SFTPA2: variants seen among roughly 807,000 people sequenced by gnomAD.
The protein encoded by SFTPA2 is pulmonary surfactant-associated protein A2.
In SFTPA2, 21 loss-of-function variants were observed where a neutral mutation model predicts 20.3. The ratio of observed to expected loss-of-function variants is 1.03; its 90% CI spans 0.73 to 1.49. The LOEUF (loss-of-function observed/expected upper bound fraction) is 1.49. Among genes scored for constraint, SFTPA2 ranks in the 40% most tolerant of loss-of-function variants. The pLI is 0.00. For synonymous variants in SFTPA2, 116 were observed against 118.7 expected (o/e 0.98, Z 0.15); for missense variants, 302 against 314.8 (o/e 0.96, Z 0.31).
chr10:79,557,523 A>G lies in SFTPA2; in HGVS notation c.433T>C (p.Ser145Pro), dbSNP rs1423016025. 6.2e-7 allele frequency: 1 copy of G among 1,613,300 alleles called. No homozygotes were observed. The highest frequency in any genetic ancestry group is 2.2e-5 in the East Asian group (1 of 44,860). Residue 145 changes from serine to proline, a missense_variant, in exon 6 of 6, where the codon TCC becomes CCC. Physicochemically the swap from Ser to Pro is moderately conservative, Grantham distance 74 (BLOSUM62 -1). Transcript: ENST00000372325. ...GEKVFSSNGQ[S>P]ITFDAIQEAC... ...TCCTGAATGGCATCAAAAGTGATGG[A>G]CTGCCCATTGCTGGAGAAGACCTTC...
chr10:79,559,146 C>T (rs1859018894), intron 3 of SFTPA2, 141 bp from the exon 4 acceptor site: 1 of 1,570,336 alleles, frequency 6.4e-7, no homozygotes, highest in South Asian at 1.1e-5. Flanking sequence ...CCAGGATGCG[C>T]CATCATAAGG....
intron 2 of SFTPA2, 182 bp downstream of exon 2, chr10:79,559,787 C>T: frequency 6.9e-7 from 1 of 1,449,274 alleles, no homozygotes; most frequent in Non-Finnish European, 9.2e-7. Flanking sequence ...GGCTCCAGTG[C>T]AGTCTCCTTT....
At chr10:79,560,152 G>A in intron 1 of SFTPA2, 154 bp from the exon 2 acceptor site, 1 of 379,222 alleles carries the variant, frequency 2.6e-6, no homozygotes, top group Non-Finnish European at 3.7e-6. Flanking sequence ...TGAGTCCCTG[G>A]TAGGGATGGA....
rs1267645151 is a variant in SFTPA2, at chr10:79,559,383, C to A, written c.101G>T (p.Gly34Val). The A allele has an allele frequency of 1.2e-6, 2 of 1,613,682 alleles. No individual in the cohort carries two copies. The highest frequency in any genetic ancestry group is 2.7e-5 in the African/African-American group (2 of 74,856). ...DVCVGSPGIPGTPGSHGLPGR... is the reference protein window; with the variant it reads ...DVCVGSPGIPVTPGSHGLPGR... ...TGGCAGGCCGTGGGATCCAGGAGTG[C>A]CGGGGATACCAGGGCTTCCAACACA... is the stretch of plus-strand genomic sequence containing the variant. Residue 34 changes from glycine to valine, a missense_variant, in exon 3 of 6, where the codon GGC becomes GTC. This residue lies in a region of SFTPA2 where 7 missense variants were observed against 23.4 expected (regional missense o/e 0.30). Coordinates refer to ENST00000372325, the MANE Select transcript of SFTPA2 (RefSeq NM_001098668.4).
At position 79,557,220 on chromosome 10, in the gene SFTPA2, A is replaced by T; in HGVS notation, c.736T>A (p.Cys246Ser). ...GGCCTAAATGCCTCTCAGAACTCAC[A>T]GATGGTCAGTCGGGAGTACAGGCAG... ...RNCLYSRLTI[C>S]EF The change falls in exon 6 of 6, where the codon TGT becomes AGT. Residue 246 changes from cysteine to serine, a missense_variant. Cys to Ser is a moderately radical substitution (Grantham distance 112). Around this residue, in one of 3 missense-constraint regions of SFTPA2, gnomAD observed 264 missense variants for 261.7 expected, o/e 1.01. Coordinates refer to ENST00000372325, the MANE Select transcript of SFTPA2 (RefSeq NM_001098668.4). 6.2e-7 allele frequency: 1 copy of T among 1,614,210 alleles called. No homozygotes were observed. The highest frequency in any genetic ancestry group is 8.5e-7 in the Non-Finnish European group (1 of 1,180,040).
intron 4 of SFTPA2, chr10:79,558,334 C>T (rs1395451042): frequency 3.6e-5 from 27 of 750,276 alleles, no homozygotes; most frequent in Non-Finnish European, 4.1e-5. Context: ...GAAGCCTTGC[C>T]CCTGCTGAGA....
rs368692678 is a variant in SFTPA2, at chr10:79,559,440, G to C, written c.44C>G (p.Ala15Gly). 1.2e-6 allele frequency: 2 copies of C among 1,613,576 alleles called. No individual in the cohort carries two copies. The highest frequency in any genetic ancestry group is 1.7e-6 in the Non-Finnish European group (2 of 1,179,758). ...CTTCACTTCGCACGCAGCACCAGAG[G>C]CTGCCATCAAGATGAGGGTGAGGGC... ...PLALTLILMA[A>G]SGAACEVKDV... Residue 15 changes from alanine (A) to glycine (G), a missense_variant, in exon 3 of 6, where the codon GCC becomes GGC. By Grantham distance (60) the Ala-to-Gly change is moderately conservative. Around this residue, in one of 3 missense-constraint regions of SFTPA2, gnomAD observed 31 missense variants for 29.8 expected, o/e 1.04. Transcript: ENST00000372325.
chr10:79,558,893 G>T lies in SFTPA2; in HGVS notation c.285C>A (p.Gly95=), dbSNP rs768690970. 3.7e-6 allele frequency: 6 copies of T among 1,614,072 alleles called. No homozygotes were observed. The East Asian group carries it at 1.1e-4, about 30-fold the overall frequency. Residue 95 remains glycine, a synonymous_variant, in exon 4 of 6, where the codon GGC becomes GGA. Transcript: ENST00000372325. The part of the protein sequence containing the change: ...RGEKGEAGER[G]PPGLPAHLDE... ...CTGCCCCGCCCTGCTCACCTGGAGG[G>T]CCTCTCTCGCCAGCCTCCCCCTTCT... is the stretch of plus-strand genomic sequence containing the variant.
At position 79,559,338 on chromosome 10, in the gene SFTPA2, C is replaced by G. The variant is rs1859034505; in HGVS notation, c.146G>C (p.Gly49Ala). 6.2e-7 allele frequency: 1 copy of G among 1,613,856 alleles called. No individual in the cohort carries two copies. Among genetic ancestry groups the G allele is most frequent in the Non-Finnish European group, 8.5e-7 (1 of 1,179,824 alleles). The change falls in exon 3 of 6, where the codon GGT (glycine) becomes GCT (alanine). Residue 49 changes from glycine to alanine, a missense_variant. By Grantham distance (60) the Gly-to-Ala change is moderately conservative. This residue lies in a region of SFTPA2 where 264 missense variants were observed against 261.7 expected (regional missense o/e 1.01). Coordinates refer to ENST00000372325, the MANE Select transcript of SFTPA2 (RefSeq NM_001098668.4). ...HGLPGRDGRD[G>A]VKGDPGPPGP... is the part of the protein sequence containing the mutation. ...TGGAGGGCCAGGGTCTCCTTTGACACCATCTCTCCCGTCCCTGCCTGGCAG... is the reference window on the plus strand; with the variant it reads ...TGGAGGGCCAGGGTCTCCTTTGACAGCATCTCTCCCGTCCCTGCCTGGCAG...
chr10:79,559,512 G>A lies in SFTPA2; in HGVS notation c.-23-6C>T, dbSNP rs773963119. 5.4e-5 allele frequency: 87 copies of A among 1,607,180 alleles called. No homozygotes were observed. The Middle Eastern group carries it at 6.9e-4, about 13-fold the overall frequency. The stretch of plus-strand genomic sequence containing the variant: ...TCTGGGTCCAGTCGCTGCTCCTGCC[G>A]GAGGGATGGCCGTGAGCCCATCTGC... On this transcript the variant is annotated splice_polypyrimidine_tract_variant and splice_region_variant and intron_variant, in intron 2 of 5. Transcript: ENST00000372325.
chr10:79,558,124 G>C lies in SFTPA2; in HGVS notation c.298C>G (p.Pro100Ala). ...TGGAGCTCCTCATCTAGATGAGCTGGAAGCCCTGTGGAGAGTGCCCCACAC... is the reference window on the plus strand; with the variant it reads ...TGGAGCTCCTCATCTAGATGAGCTGCAAGCCCTGTGGAGAGTGCCCCACAC... ...EAGERGPPGLPAHLDEELQAT... is the reference protein window; with the variant it reads ...EAGERGPPGLAAHLDEELQAT... The change falls in exon 5 of 6, where the codon CCA (proline) becomes GCA (alanine). Residue 100 changes from proline to alanine, a missense_variant. Pro to Ala is a conservative substitution (Grantham distance 27). Around this residue, in one of 3 missense-constraint regions of SFTPA2, gnomAD observed 264 missense variants for 261.7 expected, o/e 1.01. Transcript: ENST00000372325. 4 of 1,614,022 alleles carry C rather than the reference G, an allele frequency of 2.5e-6. No homozygotes were observed. The highest frequency in any genetic ancestry group is 3.4e-6 in the Non-Finnish European group (4 of 1,179,990).
intron 3 of SFTPA2, 121 bp from the exon 4 acceptor site, chr10:79,559,126 G>A (rs892233047): frequency 2.3e-4 from 374 of 1,603,404 alleles, no homozygotes; most frequent in Middle Eastern, 1.5e-3. Context: ...GCACTATGAG[G>A]ACAGACTCTC....
At chr10:79,557,839 G>A (rs1858882277) in intron 5 of SFTPA2, among the ~76,000 whole-genome samples, 1 of 152,224 alleles carries the variant, frequency 6.6e-6, no homozygotes. Flanking sequence ...AGCAAGACAG[G>A]CAGAGAACTT....
At chr10:79,558,781 C>T in intron 4 of SFTPA2, 105 bp downstream of exon 4, 2 of 1,592,366 alleles carry the variant, frequency 1.3e-6, no homozygotes, top group Non-Finnish European at 1.7e-6. Flanking sequence ...AGCCAAATGC[C>T]CTTGGGGAAC....
At position 79,556,968 on chromosome 10, in the gene SFTPA2, G is replaced by A. The variant is rs922903467; in HGVS notation, c.*241C>T. 4 of 672,852 alleles carry A rather than the reference G, an allele frequency of 5.9e-6. No individual in the cohort carries two copies. Among genetic ancestry groups the A allele is most frequent in the Non-Finnish European group, 9.9e-6 (4 of 405,368 alleles). The allele number at this position is 672,852 out of a possible 1,614,324, so 41.7% of individuals were successfully genotyped here. On this transcript the variant is annotated 3_prime_UTR_variant, in exon 6 of 6. Coordinates refer to ENST00000372325, the MANE Select transcript of SFTPA2 (RefSeq NM_001098668.4). ...CTCATGCCAAAGGCCAAGGCTAGGA[G>A]TGGCTGCCTGGGGTGCAGTGCTGGG...
In SFTPA2 at chr10:79,557,130, T is replaced by C. The variant is rs938070954; in HGVS notation, c.*79A>G. ...ATTCTGTTGAAAGGGAGTTCTAGCA[T>C]CTCACAGACCAAGTGGATCCTGGGG... On this transcript the variant is annotated 3_prime_UTR_variant, in exon 6 of 6. Coordinates refer to ENST00000372325, the MANE Select transcript of SFTPA2 (RefSeq NM_001098668.4). The C allele has an allele frequency of 6.2e-6, 10 of 1,611,696 alleles. No individual in the cohort carries two copies. In the African/African-American group the frequency reaches 8.0e-5, roughly 13 times the overall value.
At position 79,557,551 on chromosome 10, in the gene SFTPA2, T is replaced by C. The variant is rs1329950143; in HGVS notation, c.405A>G (p.Gly135=). ...LSLQGSIMTV[G]EKVFSSNGQS... is the part of the protein sequence containing the mutation. ...GCCCATTGCTGGAGAAGACCTTCTC[T>C]CCTACTGTCATTATGGAGCCCTGCA... Residue 135 remains glycine (G), a synonymous_variant, in exon 6 of 6, where the codon GGA becomes GGG. Coordinates refer to ENST00000372325, the MANE Select transcript of SFTPA2 (RefSeq NM_001098668.4). The C allele has an allele frequency of 3.1e-6, 5 of 1,612,220 alleles. No individual in the cohort carries two copies. Among genetic ancestry groups the C allele is most frequent in the South Asian group, 2.2e-5 (2 of 90,910 alleles).
At position 79,559,598 on chromosome 10, in the gene SFTPA2, C is replaced by T. The variant is rs4268452; in HGVS notation, c.-23-92G>A. 125,194 of 1,592,942 alleles carry T rather than the reference C, an allele frequency of 0.079. 4,513 individuals carry two copies. The highest frequency in any genetic ancestry group is 0.21 in the Admixed American group (11,751 of 56,490). On this transcript the variant is annotated intron_variant, in intron 2 of 5. Coordinates refer to ENST00000372325, the MANE Select transcript of SFTPA2 (RefSeq NM_001098668.4). ...AGGACTCAGGAAGCTGGGCAGAGCC[C>T]GAGAGGCAGGGCGGGCGAGACCAGA...
Position 79,559,507 on chromosome 10 carries a change from C to T in SFTPA2, c.-23-1G>A, listed in dbSNP as rs1466622996. 2 of 1,607,202 alleles carry T rather than the reference C, an allele frequency of 1.2e-6. No individual in the cohort carries two copies. The highest frequency in any genetic ancestry group is 1.7e-6 in the Non-Finnish European group (2 of 1,174,666). ...ATGGCTCTGGGTCCAGTCGCTGCTC[C>T]TGCCGGAGGGATGGCCGTGAGCCCA... On this transcript the variant is annotated splice_acceptor_variant, in intron 2 of 5. Coordinates refer to ENST00000372325, the MANE Select transcript of SFTPA2 (RefSeq NM_001098668.4). LOFTEE classifies it low-confidence loss of function (5UTR_SPLICE).
Sources: gnomAD v4.1 joint callset for allele counts (sites outside exome capture counted in the v4.1 genomes callset) on GRCh38, gnomAD v4.1.1 for gene constraint, gnomAD v4.1.1 regional missense constraint, MANE v1.5 for transcripts, NCBI Gene and HGNC (gene_info 2026-07-23, HGNC 2026-07-21) for gene names.